The following ABL1 variants were observed in gnomAD, a reference collection of about 807,000 sequenced individuals.
The protein encoded by ABL1 is tyrosine-protein kinase ABL1.
Under a neutral mutation model 94.7 loss-of-function variants are expected in ABL1, and 11 were observed. The ratio of observed to expected loss-of-function variants is 0.12; its 90% CI spans 0.07 to 0.19. The LOEUF (loss-of-function observed/expected upper bound fraction) is 0.19. Ranked by LOEUF, ABL1 falls within the 10% of genes least tolerant of loss-of-function variation. The probability of loss-of-function intolerance (pLI) is 1.00; values close to 1 mark genes in which losing one functional copy is unlikely to be tolerated. For missense variants in ABL1, 1,082 were observed against 1,489.4 expected (o/e 0.73, Z 4.50); for synonymous variants, 656 against 622.4 (o/e 1.05, Z -0.80).
chr9:130,777,116 G>A (rs1829669533), intron 1 of ABL1, among the ~76,000 whole-genome samples: 1 of 152,202 alleles, frequency 6.6e-6, no homozygotes, highest in Non-Finnish European at 1.5e-5. Flanking sequence ...CTGAGGATAT[G>A]AGTTACGGTT....
rs537276560 is a variant in ABL1, at chr9:130,881,658, G to C, written c.1678+994G>C. ...TATTACAATTCAAGGTGAGATTTGG[G>C]TGGGGACTCAGCCAACCCATATTGG... On this transcript the variant is annotated intron_variant, in intron 10 of 10. Coordinates refer to ENST00000318560, the MANE Select transcript of ABL1 (RefSeq NM_005157.6). 1.4e-4 allele frequency among the ~76,000 whole-genome samples: 21 copies of C among 152,268 alleles called. No homozygotes were observed. In the East Asian group the frequency reaches 4.1e-3, roughly 29 times the overall value.
intron 1 of ABL1, among the ~76,000 whole-genome samples, chr9:130,809,952 C>T (rs1830185127): frequency 1.3e-5 from 2 of 152,182 alleles, no homozygotes. Flanking sequence ...AAGATCAAAC[C>T]TTTTCCAAAC....
chr9:130,739,477 A>G (rs1379477906), intron 1 of ABL1, among the ~76,000 whole-genome samples: 5 of 152,138 alleles, frequency 3.3e-5, no homozygotes, highest in African/African-American at 1.2e-4. Context: ...TATTTATTAT[A>G]AAAACAACAT....
Position 130,884,480 on chromosome 9 carries a change from G to T in ABL1, c.2190G>T (p.Glu730Asp), listed in dbSNP as rs1421125861. ...TTCCCCATGGGGCCAAGGACACGGA[G>T]TGGAGGTCAGTCACGCTGCCTCGGG... ...SCVPHGAKDT[E>D]WRSVTLPRDL... Residue 730 changes from glutamate (E) to aspartate (D), a missense_variant, in exon 11 of 11, where the codon GAG (glutamate) becomes GAT (aspartate). Physicochemically the swap from Glu to Asp is conservative, Grantham distance 45. Around this residue, in one of 7 missense-constraint regions of ABL1, gnomAD observed 780 missense variants for 835.8 expected, o/e 0.93. Coordinates refer to ENST00000318560, the MANE Select transcript of ABL1 (RefSeq NM_005157.6). This position sits in a 1 kb window ranked among gnomAD's most constrained non-coding sequence, Gnocchi z 5.6. 6.2e-7 allele frequency: 1 copy of T among 1,613,142 alleles called. No homozygotes were observed.
chr9:130,779,787 A>T (rs764961574), intron 1 of ABL1, among the ~76,000 whole-genome samples: 7 of 152,186 alleles, frequency 4.6e-5, no homozygotes, highest in Non-Finnish European at 8.8e-5. Flanking sequence ...GGTAGCTATT[A>T]TCTTGGTAAG....
chr9:130,750,664 TGAGACAGAG>T (rs1394037439), intron 1 of ABL1, among the ~76,000 whole-genome samples: 7 of 143,984 alleles, frequency 4.9e-5, no homozygotes, highest in African/African-American at 1.8e-4. Flanking sequence ...TTTTTTTTTT[TGAGACAGAG>T]TCTCACTCTG....
intron 1 of ABL1, among the ~76,000 whole-genome samples, chr9:130,818,592 A>G (rs1405603360): frequency 6.6e-6 from 1 of 152,110 alleles, no homozygotes; most frequent in Non-Finnish European, 1.5e-5. Context: ...TTTTTTTTCT[A>G]GAAGATTTAT....
intron 1 of ABL1, among the ~76,000 whole-genome samples, chr9:130,786,458 T>G (rs947137490): frequency 1.2e-4 from 18 of 152,344 alleles, no homozygotes; most frequent in African/African-American, 3.4e-4. Context: ...CACAGAACGC[T>G]CTCTTAGCAG....
At chr9:130,714,444 T>C (rs1831409984) in exon 1 of ABL1, 1 of 1,614,242 alleles carries the variant, frequency 6.2e-7, no homozygotes, top group Non-Finnish European at 8.5e-7. Context: ...TGCAATGTTT[T>C]TGTGGAACAT....
intron 1 of ABL1, among the ~76,000 whole-genome samples, chr9:130,783,665 G>GT (rs980678589): frequency 1.3e-4 from 19 of 151,436 alleles, no homozygotes; most frequent in Middle Eastern, 3.2e-3. Context: ...TTTGTTTTTT[G>GT]TTTTTTTTGT....
At chr9:130,815,194 C>T (rs887630470) in intron 1 of ABL1, among the ~76,000 whole-genome samples, 4 of 151,810 alleles carry the variant, frequency 2.6e-5, no homozygotes, top group African/African-American at 9.7e-5. Context: ...ATTAGTCAGG[C>T]GTGATAGCAC....
chr9:130,806,209 G>C (rs1460251020), intron 1 of ABL1, among the ~76,000 whole-genome samples: 1 of 152,186 alleles, frequency 6.6e-6, no homozygotes, highest in Non-Finnish European at 1.5e-5. Context: ...CCATCCTTAG[G>C]AGGTAGGTCT....
At chr9:130,859,677 C>CTTTTTTTTTTTTTTTTTTTTTTTTT (rs869234280) in intron 3 of ABL1, among the ~76,000 whole-genome samples, 2 of 78,460 alleles carry the variant, frequency 2.5e-5, no homozygotes, top group Non-Finnish European at 4.6e-5. Context: ...TCTTTCTTTC[C>CTTTTTTTTTTTTTTTTTTTTTTTTT]TTTTTTTTTT....
Position 130,728,394 on chromosome 9 carries a change from CT to C in ABL1, c.136+13948del, listed in dbSNP as rs1267075762. ...GTTTTTTTTTTTTTTCTTTTCTTTC[CT>C]TTTTTTTTGAGACAGTGTTTTGCTC... On this transcript the variant is annotated intron_variant, in intron 1 of 10. Coordinates refer to the ABL1 transcript ENST00000372348. Among the ~76,000 whole-genome samples the C allele has an allele frequency of 7.7e-5, 10 of 129,642 alleles. No homozygotes were observed. In the East Asian group the frequency reaches 1.2e-3, roughly 15 times the overall value. 85.1% of individuals were successfully genotyped at this position (129,642 alleles called of 152,430 possible).
At chr9:130,870,401 T>C (rs1041975098) in intron 4 of ABL1, among the ~76,000 whole-genome samples, 3 of 152,258 alleles carry the variant, frequency 2.0e-5, no homozygotes, top group Non-Finnish European at 2.9e-5. Context: ...TGGTTTATTA[T>C]GTAGTCTTCA....
chr9:130,861,144 T>C (rs1831065265), intron 3 of ABL1, among the ~76,000 whole-genome samples: 1 of 152,210 alleles, frequency 6.6e-6, no homozygotes, highest in African/African-American at 2.4e-5. Flanking sequence ...TCAGCGGTCC[T>C]GTCTTGCAGA....
At chr9:130,881,946 A>G (rs1431896011) in intron 10 of ABL1, among the ~76,000 whole-genome samples, 1 of 152,140 alleles carries the variant, frequency 6.6e-6, no homozygotes, top group Non-Finnish European at 1.5e-5. Flanking sequence ...TATGTCCACT[A>G]CTGTAGGAGT....
rs533387324 is a variant in ABL1, at chr9:130,752,788, G to A, written c.136+38333G>A. Among the ~76,000 whole-genome samples, 329 of 151,766 alleles carry A rather than the reference G, an allele frequency of 2.2e-3. 1 individual carries two copies. Among genetic ancestry groups the A allele is most frequent in the Admixed American group, 3.0e-3 (46 of 15,216 alleles). ...AGCCATGGCCAACATATGAAACCCC[G>A]TCCCTACTAAAAATACAAAAAATAG... On this transcript the variant is annotated intron_variant, in intron 1 of 10. Coordinates refer to the ABL1 transcript ENST00000372348.
intron 1 of ABL1, among the ~76,000 whole-genome samples, chr9:130,741,495 A>G (rs1222656403): frequency 6.6e-6 from 1 of 151,854 alleles, no homozygotes; most frequent in African/African-American, 2.4e-5. Context: ...ACCAGCTACC[A>G]TGCCAGAGTA....
Sources: gnomAD v4.1 joint callset for allele counts (sites outside exome capture counted in the v4.1 genomes callset) on GRCh38, gnomAD v4.1.1 for gene constraint, gnomAD v4.1.1 regional missense constraint, Gnocchi (gnomAD v3.1) non-coding constraint, MANE v1.5 for transcripts, NCBI Gene and HGNC (gene_info 2026-07-23, HGNC 2026-07-21) for gene names.